Variants in SAMMSON observed in about 807,000 individuals in gnomAD.
SAMMSON encodes survival associated mitochondrial melanoma specific oncogenic non-coding RNA, also known as long intergenic non-protein coding RNA 1212.
chr3:70,206,486 T>C lies in SAMMSON; in HGVS notation n.508-42621T>C, dbSNP rs1040602053. The C allele has an allele frequency of 7.6e-6, 3 of 395,980 alleles. No homozygotes were observed. In the South Asian group the frequency reaches 4.2e-4, roughly 55 times the overall value. The allele number at this position is 395,980 out of a possible 1,614,324, so 24.5% of individuals were successfully genotyped here. Reference sequence around the variant, plus strand: ...TTAATATTCATAAGGACTTTTTTTTTCCTAACAGCATATGTGATGATTTTA... The same window carrying C: ...TTAATATTCATAAGGACTTTTTTTTCCCTAACAGCATATGTGATGATTTTA... On this transcript the variant is annotated intron_variant and non_coding_transcript_variant, in intron 4 of 9. Transcript: ENST00000642114.
intron 4 of SAMMSON, among the ~76,000 whole-genome samples, chr3:70,137,845 C>T (rs1469445537): frequency 6.6e-6 from 1 of 152,158 alleles, no homozygotes; most frequent in Non-Finnish European, 1.5e-5. Flanking sequence ...TTTTACACTT[C>T]TAGCACATCT....
At chr3:70,066,295 T>C (rs891686281) in intron 3 of SAMMSON, among the ~76,000 whole-genome samples, 2 of 152,160 alleles carry the variant, frequency 1.3e-5, no homozygotes, top group Non-Finnish European at 2.9e-5. Flanking sequence ...TTCTGTTCAG[T>C]TTATTACATT....
chr3:70,199,382 A>T (rs1267222541), intron 4 of SAMMSON, among the ~76,000 whole-genome samples: 6 of 126,854 alleles, frequency 4.7e-5, no homozygotes, highest in Admixed American at 1.6e-4. Context: ...TTACAAAAGA[A>T]AAAAAAAAGT....
At chr3:70,093,036 G>T (rs1165227879) in intron 4 of SAMMSON, among the ~76,000 whole-genome samples, 1 of 151,922 alleles carries the variant, frequency 6.6e-6, no homozygotes, top group African/African-American at 2.4e-5. Context: ...AAAGAGAGTG[G>T]AGTGATCTGA....
intron 7 of SAMMSON, among the ~76,000 whole-genome samples, chr3:70,333,950 G>A (rs1478938416): frequency 6.6e-6 from 1 of 152,174 alleles, no homozygotes; most frequent in Non-Finnish European, 1.5e-5. Context: ...TTATCTGATG[G>A]TCACCTATTA....
chr3:70,409,862 C>A (rs1478832775), intron 2 of SAMMSON, among the ~76,000 whole-genome samples: 1 of 151,628 alleles, frequency 6.6e-6, no homozygotes, highest in African/African-American at 2.4e-5. Flanking sequence ...GGTACATGTC[C>A]CGCTTTGTTA....
intron 3 of SAMMSON, among the ~76,000 whole-genome samples, chr3:70,018,672 T>C (rs1347885095): frequency 1.3e-5 from 2 of 152,150 alleles, no homozygotes; most frequent in African/African-American, 4.8e-5. Flanking sequence ...AATTGTGATG[T>C]TAGGGTGTCA....
chr3:70,291,459 G>A (rs748170680), intron 7 of SAMMSON, among the ~76,000 whole-genome samples: 2 of 152,122 alleles, frequency 1.3e-5, no homozygotes, highest in Admixed American at 6.5e-5. Context: ...GATGGACCTA[G>A]AATCTTGTCT....
chr3:70,010,656 T>C (rs1270881014), intron 1 of SAMMSON, among the ~76,000 whole-genome samples: 1 of 151,442 alleles, frequency 6.6e-6, no homozygotes, highest in Non-Finnish European at 1.5e-5. Context: ...GTGGCGTATG[T>C]GCCATTGTAT....
intron 4 of SAMMSON, among the ~76,000 whole-genome samples, chr3:70,216,053 A>T (rs1213779364): frequency 6.6e-6 from 1 of 152,110 alleles, no homozygotes; most frequent in African/African-American, 2.4e-5. Context: ...ATTAAAATCT[A>T]TAATTCTACC....
chr3:70,318,878 G>A (rs766444451), intron 7 of SAMMSON, among the ~76,000 whole-genome samples: 1 of 151,944 alleles, frequency 6.6e-6, no homozygotes, highest in South Asian at 2.1e-4. Flanking sequence ...GTCTTAGGAT[G>A]TAGTTCATGC....
chr3:70,017,303 G>A (rs916924414), intron 3 of SAMMSON, among the ~76,000 whole-genome samples: 40 of 152,000 alleles, frequency 2.6e-4, no homozygotes, highest in East Asian at 5.8e-4. Flanking sequence ...GGTCCTTCAC[G>A]TCCCTTGTAA....
intron 4 of SAMMSON, among the ~76,000 whole-genome samples, chr3:70,233,735 A>G (rs1701583394): frequency 6.6e-6 from 1 of 152,184 alleles, no homozygotes; most frequent in Non-Finnish European, 1.5e-5. Flanking sequence ...ATGTAAACTG[A>G]ATCACTCAGT....
rs543060655 is a variant in SAMMSON, at chr3:70,220,424, C to A, written n.508-28683C>A. ...ACTCCACTCCACCTGGGAGACAGAGCAAGACCTTACCTCTTAAAAAAAAAA... is the reference window on the plus strand; with the variant it reads ...ACTCCACTCCACCTGGGAGACAGAGAAAGACCTTACCTCTTAAAAAAAAAA... On this transcript the variant is annotated intron_variant and non_coding_transcript_variant, in intron 4 of 9. Coordinates refer to ENST00000642114, the Ensembl canonical transcript of SAMMSON. Among the ~76,000 whole-genome samples the A allele has an allele frequency of 2.0e-5, 3 of 151,866 alleles. No homozygotes were observed. The South Asian group carries it at 6.3e-4, about 32-fold the overall frequency.
rs567048550 is a variant in SAMMSON at position 70,405,521 on chromosome 3, G to T, written n.233+47197G>T. Among the ~76,000 whole-genome samples, 5 of 152,180 alleles carry T rather than the reference G, an allele frequency of 3.3e-5. 1 individual carries two copies. The highest frequency in any genetic ancestry group is 1.2e-4 in the African/African-American group (5 of 41,538). On this transcript the variant is annotated intron_variant and non_coding_transcript_variant, in intron 2 of 3. Transcript: ENST00000641053. ...ATAAGTCATAAATAGACAACCAAAT[G>T]GAACTTCTAGAGATGAAAATCTAAA... is the stretch of plus-strand genomic sequence containing the variant.
chr3:70,007,906 C>G (rs1215382231), intron 1 of SAMMSON, among the ~76,000 whole-genome samples: 3 of 152,104 alleles, frequency 2.0e-5, no homozygotes, highest in Admixed American at 2.0e-4. Flanking sequence ...AATGGGGAAT[C>G]CTTTCCCCAT....
At chr3:70,380,181 C>T (rs1355871530) in intron 9 of SAMMSON, among the ~76,000 whole-genome samples, 1 of 152,066 alleles carries the variant, frequency 6.6e-6, no homozygotes, top group East Asian at 1.9e-4. Context: ...CTGGATTTAT[C>T]CTCAGGTCAA....
intron 4 of SAMMSON, among the ~76,000 whole-genome samples, chr3:70,102,166 T>A (rs749274): frequency 0.46 from 69,136 of 151,880 alleles, 16,876 homozygotes; most frequent in Non-Finnish European, 0.52. Context: ...CTGAATTAAG[T>A]TGATAAGCTC....
chr3:70,205,553 T>A (rs1048421915), intron 4 of SAMMSON: 6 of 150,974 alleles, frequency 4.0e-5, no homozygotes, highest in Non-Finnish European at 7.4e-5. Context: ...TTATACGTTA[T>A]TTTTTTTTGA....
Sources: gnomAD v4.1 joint callset for allele counts (sites outside exome capture counted in the v4.1 genomes callset) on GRCh38, gnomAD v4.1.1 for gene constraint, MANE v1.5 for transcripts, NCBI Gene and HGNC (gene_info 2026-07-23, HGNC 2026-07-21) for gene names.